CNTNAP2: variants seen among roughly 807,000 people sequenced by gnomAD.
CNTNAP2 encodes the protein contactin associated protein 2, also known as contactin-associated protein-like 2.
CNTNAP2 carries 98 observed loss-of-function variants against 155.2 expected under a neutral mutation model. The observed-to-expected ratio is 0.63, with a 90% CI of 0.54 to 0.75. CNTNAP2 has a LOEUF of 0.75. CNTNAP2 is among the 30% of genes least tolerant of loss of function. The pLI is 0.00. For synonymous variants in CNTNAP2, 651 were observed against 631.2 expected (o/e 1.03, Z -0.47); for missense variants, 1,727 against 1,688.1 (o/e 1.02, Z -0.40).
intron 13 of CNTNAP2, among the ~76,000 whole-genome samples, chr7:147,878,888 T>C (rs1799471196): frequency 6.6e-6 from 1 of 152,208 alleles, no homozygotes; most frequent in African/African-American, 2.4e-5. Context: ...AGCTTTCTTC[T>C]GACAGGGCTC....
At chr7:147,468,843 T>TC (rs71183006) in intron 10 of CNTNAP2, among the ~76,000 whole-genome samples, 81,504 of 144,700 alleles carry the variant, frequency 0.56, 23,049 homozygotes, top group South Asian at 0.66. Flanking sequence ...TTCTTCTTCT[T>TC]TTTTTTTTTT....
chr7:147,458,018 C>T (rs1020561456), intron 10 of CNTNAP2, among the ~76,000 whole-genome samples: 1 of 152,046 alleles, frequency 6.6e-6, no homozygotes, highest in Non-Finnish European at 1.5e-5. Flanking sequence ...TCAAAGCACT[C>T]CATGGTTTAT....
intron 15 of CNTNAP2, among the ~76,000 whole-genome samples, chr7:148,032,174 T>A (rs1169977359): frequency 6.6e-6 from 1 of 152,152 alleles, no homozygotes; most frequent in East Asian, 1.9e-4. Context: ...GTTCTGGATG[T>A]CAGTAGGTTG....
intron 1 of CNTNAP2, among the ~76,000 whole-genome samples, chr7:146,539,688 G>T (rs551883228): frequency 3.9e-5 from 6 of 151,934 alleles, no homozygotes; most frequent in Non-Finnish European, 7.4e-5. Flanking sequence ...GAAGAAGAGG[G>T]GGATCATCTC....
Position 146,774,283 on chromosome 7 carries a change from A to G in CNTNAP2, c.110A>G (p.Glu37Gly). Residue 37 changes from glutamate to glycine, a missense_variant, in exon 2 of 24, where the codon GAG (glutamate) becomes GGG (glycine). Physicochemically the swap from Glu to Gly is moderately conservative, Grantham distance 98. Transcript: ENST00000361727. ...CTTTTGTTTTCAGAAAAATGTGATG[A>G]GCCACTTGTCTCTGGACTCCCCCAT... The part of the protein sequence containing the change: ...TAPSTSQKCD[E>G]PLVSGLPHVA... 6.2e-7 allele frequency: 1 copy of G among 1,613,610 alleles called. No homozygotes were observed. Among genetic ancestry groups the G allele is most frequent in the Non-Finnish European group, 8.5e-7 (1 of 1,179,764 alleles).
At chr7:147,946,406 A>G (rs1025083153) in intron 14 of CNTNAP2, among the ~76,000 whole-genome samples, 3 of 152,150 alleles carry the variant, frequency 2.0e-5, no homozygotes, top group Non-Finnish European at 4.4e-5. Context: ...ATAAGCAGGA[A>G]GTTAAATACC....
At chr7:148,364,059 G>A (rs1264138166) in intron 21 of CNTNAP2, among the ~76,000 whole-genome samples, 5 of 152,198 alleles carry the variant, frequency 3.3e-5, no homozygotes, top group Admixed American at 6.5e-5. Context: ...GGCAGGGCTC[G>A]GGACCTGCAG....
chr7:147,364,863 A>C (rs1470815740), intron 9 of CNTNAP2, among the ~76,000 whole-genome samples: 1 of 152,038 alleles, frequency 6.6e-6, no homozygotes, highest in African/African-American at 2.4e-5. Context: ...AAAAAAAAAA[A>C]AATTCCTAGC....
intron 1 of CNTNAP2, among the ~76,000 whole-genome samples, chr7:146,690,314 C>G (rs1294281487): frequency 6.6e-6 from 1 of 152,116 alleles, no homozygotes; most frequent in Non-Finnish European, 1.5e-5. Flanking sequence ...AATCATGACA[C>G]TTCTTTCAAA....
chr7:146,435,397 G>A (rs949659784), intron 1 of CNTNAP2, among the ~76,000 whole-genome samples: 1 of 152,184 alleles, frequency 6.6e-6, no homozygotes, highest in Non-Finnish European at 1.5e-5. Flanking sequence ...AATATTTTGA[G>A]TTTCCATTTC....
chr7:147,791,280 T>C (rs1797814427), intron 13 of CNTNAP2, among the ~76,000 whole-genome samples: 1 of 152,106 alleles, frequency 6.6e-6, no homozygotes, highest in Non-Finnish European at 1.5e-5. Flanking sequence ...ATCTATCAGT[T>C]CACTTTTCAA....
intron 8 of CNTNAP2, among the ~76,000 whole-genome samples, chr7:147,273,478 T>C (rs567607434): frequency 6.6e-6 from 1 of 152,102 alleles, no homozygotes; most frequent in Admixed American, 6.5e-5. Context: ...GATCATTGTA[T>C]CCAACAGTAA....
At chr7:146,363,475 A>C (rs935890146) in intron 1 of CNTNAP2, among the ~76,000 whole-genome samples, 2 of 152,208 alleles carry the variant, frequency 1.3e-5, no homozygotes, top group African/African-American at 4.8e-5. Flanking sequence ...ACTGAGCTCT[A>C]AGTGACTCTA....
At chr7:147,703,901 T>C (rs552159816) in intron 13 of CNTNAP2, among the ~76,000 whole-genome samples, 261 of 152,284 alleles carry the variant, frequency 1.7e-3, no homozygotes, top group African/African-American at 5.9e-3. Flanking sequence ...ATTATTCTAC[T>C]CTCTACCTCC....
chr7:147,861,831 C>G (rs1009994623), intron 13 of CNTNAP2, among the ~76,000 whole-genome samples: 3 of 151,712 alleles, frequency 2.0e-5, no homozygotes, highest in Non-Finnish European at 4.4e-5. Flanking sequence ...GCCTGGGCAA[C>G]ATGGTAAAAC....
At chr7:147,864,043 G>A (rs1799182132) in intron 13 of CNTNAP2, among the ~76,000 whole-genome samples, 1 of 151,802 alleles carries the variant, frequency 6.6e-6, no homozygotes, top group Admixed American at 6.6e-5. Context: ...TTTTCTTCTG[G>A]GGTTTTTATG....
intron 2 of CNTNAP2, among the ~76,000 whole-genome samples, chr7:146,824,876 T>TTA (rs1554485540): frequency 6.6e-6 from 1 of 151,388 alleles, no homozygotes; most frequent in African/African-American, 2.4e-5. Context: ...TTTTTTTTTT[T>TTA]ATTTGATTTT....
intron 15 of CNTNAP2, among the ~76,000 whole-genome samples, chr7:148,024,404 T>C (rs574713198): frequency 1.3e-5 from 2 of 152,250 alleles, no homozygotes; most frequent in Non-Finnish European, 2.9e-5. Flanking sequence ...CTTCTAGCTA[T>C]GAAAGCAGCT....
intron 4 of CNTNAP2, among the ~76,000 whole-genome samples, chr7:147,074,318 C>T (rs959902176): frequency 3.9e-5 from 6 of 152,068 alleles, no homozygotes; most frequent in African/African-American, 1.2e-4. Context: ...ATTCCCCTTC[C>T]CCATTACAGA....
Sources: gnomAD v4.1 joint callset for allele counts (sites outside exome capture counted in the v4.1 genomes callset) on GRCh38, gnomAD v4.1.1 for gene constraint, MANE v1.5 for transcripts, NCBI Gene and HGNC (gene_info 2026-07-23, HGNC 2026-07-21) for gene names.